PAPPA2: variants seen among roughly 807,000 people sequenced by gnomAD.
PAPPA2 encodes pappalysin 2, also known as pappalysin-2.
Under a neutral mutation model 176.4 loss-of-function variants are expected in PAPPA2, and 86 were observed. That is an observed-to-expected ratio of 0.49 (90% CI 0.41 to 0.58). PAPPA2 has a LOEUF of 0.58. Ranked by LOEUF, PAPPA2 falls within the 20% of genes least tolerant of loss-of-function variation. The probability of loss-of-function intolerance (pLI) is 0.00; values close to 1 mark genes in which losing one functional copy is unlikely to be tolerated. For synonymous variants in PAPPA2, 809 were observed against 852.2 expected (o/e 0.95, Z 0.88); for missense variants, 2,073 against 2,256.9 (o/e 0.92, Z 1.65).
At chr1:176,616,692 A>C (rs558502165) in intron 3 of PAPPA2, 3 of 1,514,572 alleles carry the variant, frequency 2.0e-6, no homozygotes, top group Non-Finnish European at 2.7e-6. Context: ...CTCCTCTATA[A>C]ATTTATTTAA....
chr1:176,768,580 C>A (rs1271723996), intron 15 of PAPPA2, among the ~76,000 whole-genome samples: 2 of 152,172 alleles, frequency 1.3e-5, no homozygotes, highest in African/African-American at 4.8e-5. Context: ...CTTTCTCCCT[C>A]CTTTTCTCCT....
chr1:176,579,984 G>A (rs983509937), intron 2 of PAPPA2, among the ~76,000 whole-genome samples: 2 of 152,114 alleles, frequency 1.3e-5, no homozygotes, highest in Non-Finnish European at 2.9e-5. Flanking sequence ...TCCTTCATCT[G>A]AAACATTTAT....
At chr1:176,494,840 A>G (rs974993425) in intron 1 of PAPPA2, among the ~76,000 whole-genome samples, 1 of 152,246 alleles carries the variant, frequency 6.6e-6, no homozygotes, top group Non-Finnish European at 1.5e-5. Context: ...GGCACAAGCA[A>G]CCTGAGTGGG....
chr1:176,795,956 G>A (rs1665407160), intron 20 of PAPPA2, among the ~76,000 whole-genome samples: 1 of 152,128 alleles, frequency 6.6e-6, no homozygotes, highest in Admixed American at 6.5e-5. Flanking sequence ...AAATAAAAAT[G>A]ACTGTTTTAA....
At chr1:176,670,862 A>G in intron 3 of PAPPA2, 108 bp from the exon 4 acceptor site, 1 of 1,415,384 alleles carries the variant, frequency 7.1e-7, no homozygotes, top group Non-Finnish European at 9.7e-7. Context: ...CCCCTCCAAA[A>G]GGTAATGCTG....
At chr1:176,731,051 T>A (rs1662116219) in intron 12 of PAPPA2, among the ~76,000 whole-genome samples, 1 of 152,104 alleles carries the variant, frequency 6.6e-6, no homozygotes, top group Admixed American at 6.6e-5. Flanking sequence ...GTGTGCCCAG[T>A]ATCATTCACT....
chr1:176,594,147 A>G (rs562178815), intron 2 of PAPPA2, among the ~76,000 whole-genome samples: 1 of 152,364 alleles, frequency 6.6e-6, no homozygotes, highest in South Asian at 2.1e-4. Context: ...AGGAAATGGA[A>G]AAAGCTAGGA....
At chr1:176,750,682 T>A (rs1307419039) in intron 14 of PAPPA2, among the ~76,000 whole-genome samples, 1 of 152,172 alleles carries the variant, frequency 6.6e-6, no homozygotes, top group Non-Finnish European at 1.5e-5. Context: ...ATTAAATGTA[T>A]TATATACTGT....
intron 1 of PAPPA2, among the ~76,000 whole-genome samples, chr1:176,510,716 A>T (rs1648549556): frequency 6.6e-6 from 1 of 151,938 alleles, no homozygotes. Flanking sequence ...AATGGGAAGG[A>T]GAAAATGGAA....
At chr1:176,752,716 T>G (rs1187857843) in intron 14 of PAPPA2, among the ~76,000 whole-genome samples, 1 of 152,192 alleles carries the variant, frequency 6.6e-6, no homozygotes, top group African/African-American at 2.4e-5. Context: ...AAATCAACAA[T>G]TAGTCATCCA....
At chr1:176,648,190 A>G (rs1657522545) in intron 3 of PAPPA2, among the ~76,000 whole-genome samples, 1 of 151,388 alleles carries the variant, frequency 6.6e-6, no homozygotes, top group African/African-American at 2.4e-5. Flanking sequence ...TTATATTCTT[A>G]GTAACTACAG....
chr1:176,504,213 A>C (rs927635032), intron 1 of PAPPA2, among the ~76,000 whole-genome samples: 1 of 152,088 alleles, frequency 6.6e-6, no homozygotes, highest in African/African-American at 2.4e-5. Flanking sequence ...GAAAAAAATA[A>C]ATAGCCTTGA....
intron 17 of PAPPA2, among the ~76,000 whole-genome samples, chr1:176,778,226 C>T (rs992356825): frequency 6.6e-6 from 1 of 152,098 alleles, no homozygotes; most frequent in African/African-American, 2.4e-5. Flanking sequence ...AATTAGTACA[C>T]TCTCTGTCTG....
In PAPPA2 at chr1:176,842,715, A is replaced by C; in HGVS notation, c.*261A>C. ...ACATGGAAGGGGAAATATGATAGAT[A>C]TATAAGGACCCTCCTCCCTCACTTA... On this transcript the variant is annotated 3_prime_UTR_variant, in exon 23 of 23. Transcript: ENST00000367662. 1 of 465,688 alleles carries C rather than the reference A, an allele frequency of 2.1e-6. No individual in the cohort carries two copies. The highest frequency in any genetic ancestry group is 3.9e-6 in the Non-Finnish European group (1 of 257,262). The allele number at this position is 465,688 out of a possible 1,614,324, so 28.8% of individuals were successfully genotyped here.
In PAPPA2 at chr1:176,827,766, C is replaced by T. The variant is rs61321566; in HGVS notation, c.5203-12407C>T. 7.7e-3 allele frequency among the ~76,000 whole-genome samples: 1,174 copies of T among 152,162 alleles called. 10 individuals are homozygous for T. Among genetic ancestry groups the T allele is most frequent in the African/African-American group, 0.027 (1,103 of 41,512 alleles). On this transcript the variant is annotated intron_variant, in intron 21 of 22. Transcript: ENST00000367662. ...TTGTGCATAGCAGACACACTAAACACGTATTGATCAAATATCCCAGGATTC... is the reference window on the plus strand; with the variant it reads ...TTGTGCATAGCAGACACACTAAACATGTATTGATCAAATATCCCAGGATTC...
At chr1:176,841,712 G>A (rs765204007) in intron 22 of PAPPA2, among the ~76,000 whole-genome samples, 31 of 152,090 alleles carry the variant, frequency 2.0e-4, no homozygotes, top group Admixed American at 2.0e-3. Flanking sequence ...TTACATAGAA[G>A]GAAGGCAATA....
chr1:176,492,603 T>C (rs1647351124), intron 1 of PAPPA2, among the ~76,000 whole-genome samples: 1 of 152,144 alleles, frequency 6.6e-6, no homozygotes, highest in African/African-American at 2.4e-5. Flanking sequence ...CATCAGTAGC[T>C]CCTTGGAGGA....
chr1:176,464,467 T>C (rs1651521955), intron 1 of PAPPA2, among the ~76,000 whole-genome samples: 2 of 152,320 alleles, frequency 1.3e-5, no homozygotes, highest in African/African-American at 4.8e-5. Context: ...CTGTGCTTGG[T>C]TCAATGCACT....
chr1:176,497,899 G>T (rs1472253340), intron 1 of PAPPA2, among the ~76,000 whole-genome samples: 1 of 151,776 alleles, frequency 6.6e-6, no homozygotes, highest in Non-Finnish European at 1.5e-5. Flanking sequence ...CCTAGAATTG[G>T]GCAGCACAGA....
Sources: allele counts gnomAD v4.1 joint callset (sites outside exome capture counted in the v4.1 genomes callset), GRCh38; gene constraint gnomAD v4.1.1; transcripts MANE v1.5; gene names NCBI Gene and HGNC (gene_info 2026-07-23, HGNC 2026-07-21).